The following NRXN3 variants were observed in gnomAD, a reference collection of about 807,000 sequenced individuals.
NRXN3 encodes the protein neurexin 3.
NRXN3 carries 32 observed loss-of-function variants against 137.6 expected under a neutral mutation model. The ratio of observed to expected loss-of-function variants is 0.23; its 90% CI spans 0.18 to 0.31. NRXN3 has a LOEUF of 0.31. Among genes scored for constraint, NRXN3 ranks in the 10% least tolerant of loss-of-function variants. The pLI is 1.00. For missense variants in NRXN3, 1,574 were observed against 2,062.5 expected (o/e 0.76, Z 4.59); for synonymous variants, 798 against 784.5 (o/e 1.02, Z -0.29).
chr14:79,169,992 T>A (rs2061627684), intron 15 of NRXN3, among the ~76,000 whole-genome samples: 1 of 152,170 alleles, frequency 6.6e-6, no homozygotes, highest in Non-Finnish European at 1.5e-5. Context: ...AGGCATAAGC[T>A]GGCGTGTCTT....
At chr14:79,411,820 T>C (rs1337353621) in intron 15 of NRXN3, among the ~76,000 whole-genome samples, 1 of 152,178 alleles carries the variant, frequency 6.6e-6, no homozygotes, top group Non-Finnish European at 1.5e-5. Flanking sequence ...GCTAGAGATA[T>C]AGATGTGACT....
chr14:78,954,296 A>G (rs17108405), intron 10 of NRXN3, among the ~76,000 whole-genome samples: 27,767 of 152,052 alleles, frequency 0.18, 3,321 homozygotes, highest in East Asian at 0.46. Flanking sequence ...GTTTTACAAA[A>G]TCCCACTGGG....
chr14:78,816,721 T>C (rs1197212353), intron 10 of NRXN3, among the ~76,000 whole-genome samples: 1 of 152,190 alleles, frequency 6.6e-6, no homozygotes, highest in Admixed American at 6.5e-5. Flanking sequence ...AATATTGATA[T>C]ATATTACCAA....
intron 10 of NRXN3, among the ~76,000 whole-genome samples, chr14:78,830,001 C>CT (rs1304872995): frequency 3.3e-5 from 5 of 152,132 alleles, no homozygotes; most frequent in Non-Finnish European, 5.9e-5. Context: ...GAGGAAAACT[C>CT]TGTGAGAGAG....
At chr14:78,535,009 T>G (rs1566670863) in intron 4 of NRXN3, among the ~76,000 whole-genome samples, 1 of 152,162 alleles carries the variant, frequency 6.6e-6, no homozygotes, top group African/African-American at 2.4e-5. Context: ...GATTGTTCCT[T>G]TGTTATAAGT....
At chr14:79,356,626 T>C (rs2093432374) in intron 15 of NRXN3, among the ~76,000 whole-genome samples, 1 of 152,218 alleles carries the variant, frequency 6.6e-6, no homozygotes, top group Non-Finnish European at 1.5e-5. Flanking sequence ...AGTTTCTGGT[T>C]GTTGGGTTAT....
chr14:78,831,365 G>A (rs759220758), intron 10 of NRXN3, among the ~76,000 whole-genome samples: 5 of 151,684 alleles, frequency 3.3e-5, no homozygotes, highest in African/African-American at 4.8e-5. Flanking sequence ...GTGAAACCCC[G>A]TCTCTACTAA....
intron 1 of NRXN3, among the ~76,000 whole-genome samples, chr14:78,173,177 C>T (rs1009060710): frequency 6.6e-5 from 10 of 151,722 alleles, no homozygotes; most frequent in African/African-American, 2.2e-4. Context: ...TGGGGGGAGA[C>T]GGAGGTGAGG....
chr14:79,233,481 C>T (rs534933610), intron 15 of NRXN3, among the ~76,000 whole-genome samples: 2 of 152,192 alleles, frequency 1.3e-5, no homozygotes, highest in Middle Eastern at 3.4e-3. Flanking sequence ...TTATATCATG[C>T]GGGCTTTGAC....
chr14:79,488,986 A>AAC (rs2096684844), intron 16 of NRXN3, among the ~76,000 whole-genome samples: 1 of 152,130 alleles, frequency 6.6e-6, no homozygotes, highest in Non-Finnish European at 1.5e-5. Context: ...ACCCATCAGT[A>AAC]CTTTAGGGTT....
At chr14:79,418,431 T>A (rs1232584070) in intron 15 of NRXN3, among the ~76,000 whole-genome samples, 1 of 152,188 alleles carries the variant, frequency 6.6e-6, no homozygotes, top group Non-Finnish European at 1.5e-5. Context: ...TTAAGTAATT[T>A]TAAGGCGTTA....
intron 6 of NRXN3, among the ~76,000 whole-genome samples, chr14:78,666,577 ATCTT>A (rs2097888529): frequency 6.6e-6 from 1 of 152,224 alleles, no homozygotes; most frequent in East Asian, 1.9e-4. Context: ...GTGAGATGTG[ATCTT>A]TCTTTCTCAT....
chr14:79,019,680 T>C (rs2099585461), intron 15 of NRXN3, among the ~76,000 whole-genome samples: 1 of 152,272 alleles, frequency 6.6e-6, no homozygotes, highest in Non-Finnish European at 1.5e-5. Flanking sequence ...CAGAGGCCCA[T>C]GGAGTGGAGT....
intron 19 of NRXN3, among the ~76,000 whole-genome samples, chr14:79,761,609 C>T (rs1022794456): frequency 7.1e-5 from 10 of 141,606 alleles, no homozygotes; most frequent in African/African-American, 1.1e-4. Context: ...AGGAGAATGG[C>T]GTGAACCCGG....
chr14:79,734,918 C>T (rs2098936728), intron 19 of NRXN3, among the ~76,000 whole-genome samples: 1 of 152,142 alleles, frequency 6.6e-6, no homozygotes, highest in Non-Finnish European at 1.5e-5. Context: ...GGCTACAAAT[C>T]TTCAAAGCCT....
chr14:79,492,592 A>T (rs1006897662), intron 16 of NRXN3, among the ~76,000 whole-genome samples: 1 of 152,178 alleles, frequency 6.6e-6, no homozygotes, highest in African/African-American at 2.4e-5. Context: ...CGTGTTGGCC[A>T]GGATGGTCTC....
intron 15 of NRXN3, among the ~76,000 whole-genome samples, chr14:79,055,456 A>G (rs574942426): frequency 6.7e-4 from 102 of 152,310 alleles, no homozygotes; most frequent in Non-Finnish European, 1.2e-3. Context: ...CCTCATTGTG[A>G]CCAGCTAAGG....
At chr14:78,876,998 A>T (rs543549917) in intron 10 of NRXN3, among the ~76,000 whole-genome samples, 1 of 152,194 alleles carries the variant, frequency 6.6e-6, no homozygotes, top group Non-Finnish European at 1.5e-5. Flanking sequence ...CTACCCCAAG[A>T]TCCTTTCCCA....
intron 1 of NRXN3, among the ~76,000 whole-genome samples, chr14:78,201,526 G>A (rs1034123142): frequency 7.2e-5 from 11 of 152,212 alleles, no homozygotes; most frequent in African/African-American, 2.4e-4. Context: ...GTTCAGGCAT[G>A]GGGGCAGTGG....
Sources: gnomAD v4.1 joint callset for allele counts (sites outside exome capture counted in the v4.1 genomes callset) on GRCh38, gnomAD v4.1.1 for gene constraint, MANE v1.5 for transcripts, NCBI Gene and HGNC (gene_info 2026-07-23, HGNC 2026-07-21) for gene names.